The following TENM3 variants were observed in gnomAD, a reference collection of about 807,000 sequenced individuals.
The protein encoded by TENM3 is teneurin transmembrane protein 3, also known as teneurin-3.
TENM3 carries 63 observed loss-of-function variants against 255.1 expected under a neutral mutation model. The observed-to-expected ratio is 0.25, with a 90% confidence interval of 0.20 to 0.30. TENM3 has a LOEUF of 0.30. Among genes scored for constraint, TENM3 ranks in the 10% least tolerant of loss-of-function variants. The probability of loss-of-function intolerance (pLI) is 1.00; values close to 1 mark genes in which losing one functional copy is unlikely to be tolerated. For missense variants in TENM3, 2,929 were observed against 3,461.1 expected, an observed-to-expected ratio of 0.85 and a Z score of 3.86; for synonymous variants, 1,306 against 1,322.3, an observed-to-expected ratio of 0.99 and a Z score of 0.27.
the TENM3 span, among the ~76,000 whole-genome samples, chr4:181,850,417 T>G: frequency 6.6e-6 from 1 of 152,172 alleles, no homozygotes; most frequent in African/African-American, 2.4e-5. Flanking sequence ...TATTTGCTTC[T>G]TTCATATGAC....
In TENM3 at chr4:182,792,435, C is replaced by A. The variant is rs764221618; in HGVS notation, c.5763C>A (p.Asn1921Lys). Residue 1921 changes from asparagine (N) to lysine (K), a missense_variant, in exon 26 of 28, where the codon AAC becomes AAA. Physicochemically the swap from Asn to Lys is moderately conservative, Grantham distance 94. Transcript: ENST00000511685. This position sits in a 1 kb window ranked among gnomAD's most constrained non-coding sequence, Gnocchi z 6.3. Reference sequence around the variant, plus strand: ...ACATATACAACCCCCCGGAAAGCAACGCCTCCATCATCACGGACTACAACG... The same window carrying A: ...ACATATACAACCCCCCGGAAAGCAAAGCCTCCATCATCACGGACTACAACG... ...YRNIYNPPES[N>K]ASIITDYNEE... The A allele has an allele frequency of 6.2e-7, 1 of 1,614,032 alleles. No homozygotes were observed. The highest frequency in any genetic ancestry group is 1.7e-5 in the Admixed American group (1 of 60,022).
At chr4:182,428,702 G>A (rs561277889) in intron 3 of TENM3, among the ~76,000 whole-genome samples, 1 of 151,748 alleles carries the variant, frequency 6.6e-6, no homozygotes, top group Admixed American at 6.6e-5. Flanking sequence ...GTATATATTA[G>A]AATAATAAAA....
intron 13 of TENM3, 93 bp from the exon 14 acceptor site, chr4:182,728,871 GT>G (rs1760445522): frequency 1.2e-6 from 1 of 834,576 alleles, no homozygotes; most frequent in Non-Finnish European, 1.7e-6. Flanking sequence ...ATCACTTGAT[GT>G]GAAAAAAAAA....
chr4:181,870,212 A>C, the TENM3 span, among the ~76,000 whole-genome samples: 3,311 of 152,262 alleles, frequency 0.022, 60 homozygotes, highest in Non-Finnish European at 0.034. Flanking sequence ...ATATGCCACA[A>C]ATTTTTAATC....
the TENM3 span, among the ~76,000 whole-genome samples, chr4:182,061,268 T>G: frequency 5.3e-5 from 8 of 152,224 alleles, no homozygotes; most frequent in South Asian, 1.5e-3. Flanking sequence ...ATGACCTACA[T>G]AAGGTAGTCA....
chr4:182,237,200 C>T (rs74703297), intron 1 of TENM3, among the ~76,000 whole-genome samples: 10,326 of 152,096 alleles, frequency 0.068, 433 homozygotes, highest in African/African-American at 0.12. Context: ...TTTATGGGTG[C>T]GTAGTATTCC....
the TENM3 span, among the ~76,000 whole-genome samples, chr4:181,968,589 C>T: frequency 1.4e-4 from 22 of 151,882 alleles, no homozygotes; most frequent in South Asian, 4.2e-4. Flanking sequence ...GAATGCTAAC[C>T]GCAGAGAATA....
chr4:181,683,254 CA>C, the TENM3 span, among the ~76,000 whole-genome samples: 3 of 151,934 alleles, frequency 2.0e-5, no homozygotes, highest in African/African-American at 7.3e-5. Context: ...CCGACATTTA[CA>C]GATAAGAATA....
chr4:182,191,473 T>A lies in TENM3; in HGVS notation c.-76+46719T>A, dbSNP rs147211447. Among the ~76,000 whole-genome samples the A allele has an allele frequency of 2.3e-3, 354 of 152,252 alleles. 4 individuals are homozygous for A. The highest frequency in any genetic ancestry group is 2.3e-3 in the Non-Finnish European group (158 of 68,008). Reference sequence around the variant, plus strand: ...CGCCTCCCTTAGAGTGTCAGGCAGATCATCCGTCCCATTGCTAATTCTTCT... The same window carrying A: ...CGCCTCCCTTAGAGTGTCAGGCAGAACATCCGTCCCATTGCTAATTCTTCT... On this transcript the variant is annotated intron_variant, in intron 1 of 2. Transcript: ENST00000512480.
intron 3 of TENM3, among the ~76,000 whole-genome samples, chr4:182,485,487 A>G (rs950555072): frequency 7.9e-5 from 12 of 152,296 alleles, no homozygotes; most frequent in Middle Eastern, 3.4e-3. Flanking sequence ...TAACCAAGTA[A>G]CTATAAATAC....
In TENM3 at chr4:182,673,003, A is replaced by T. The variant is rs980147486; in HGVS notation, c.1112-2A>T. ...CTTCATCAGTGCATCTCTTACATTC[A>T]GGAAAATTAGGTGGATTTACGCAAG... is the stretch of plus-strand genomic sequence containing the variant. On this transcript the variant is annotated splice_acceptor_variant, in intron 6 of 27. Transcript: ENST00000511685. LOFTEE classifies it high-confidence loss of function. 2.6e-6 allele frequency: 4 copies of T among 1,567,672 alleles called. No homozygotes were observed. Among genetic ancestry groups the T allele is most frequent in the Non-Finnish European group, 3.5e-6 (4 of 1,152,198 alleles).
At chr4:181,972,755 C>T in the TENM3 span, among the ~76,000 whole-genome samples, 3 of 152,182 alleles carry the variant, frequency 2.0e-5, no homozygotes, top group Non-Finnish European at 2.9e-5. Context: ...GATTGAATTT[C>T]CAGATCCCAG....
upstream of TENM3, among the ~76,000 whole-genome samples, chr4:182,239,102 C>T (rs1370392135): frequency 1.1e-4 from 16 of 143,462 alleles, no homozygotes; most frequent in African/African-American, 3.1e-4. Flanking sequence ...TTTGAGACGG[C>T]GTCTCGCTGT....
intron 6 of TENM3, among the ~76,000 whole-genome samples, chr4:182,656,167 A>G (rs1016714456): frequency 2.2e-4 from 33 of 152,282 alleles, no homozygotes; most frequent in African/African-American, 7.7e-4. Flanking sequence ...TCTCCTATAT[A>G]GGGAATGGTT....
intron 3 of TENM3, among the ~76,000 whole-genome samples, chr4:182,443,582 C>A (rs1772671087): frequency 6.6e-6 from 1 of 152,174 alleles, no homozygotes; most frequent in Non-Finnish European, 1.5e-5. Flanking sequence ...CTCCTGCTCT[C>A]ACCACCAGGT....
the TENM3 span, among the ~76,000 whole-genome samples, chr4:181,642,309 G>A: frequency 2.7e-4 from 41 of 152,070 alleles, no homozygotes; most frequent in African/African-American, 9.6e-4. Context: ...CCCACTTTTT[G>A]ATGGGGTGGT....
At chr4:181,952,632 A>G in the TENM3 span, among the ~76,000 whole-genome samples, 5 of 152,228 alleles carry the variant, frequency 3.3e-5, no homozygotes, top group Non-Finnish European at 7.3e-5. Flanking sequence ...ACTCAGACAG[A>G]CTTTAGTCTG....
intron 3 of TENM3, among the ~76,000 whole-genome samples, chr4:182,404,739 A>G (rs750446583): frequency 2.6e-5 from 4 of 152,218 alleles, no homozygotes; most frequent in Non-Finnish European, 5.9e-5. Flanking sequence ...GCATTCACTT[A>G]TGTTGTGTTC....
At chr4:182,507,986 C>T (rs544261106) in intron 3 of TENM3, among the ~76,000 whole-genome samples, 3 of 152,118 alleles carry the variant, frequency 2.0e-5, no homozygotes, top group Non-Finnish European at 4.4e-5. Flanking sequence ...TGCTGTCCCC[C>T]GAGTGGTTCA....
Sources: gnomAD v4.1 joint callset for allele counts (sites outside exome capture counted in the v4.1 genomes callset) on GRCh38, gnomAD v4.1.1 for gene constraint, Gnocchi (gnomAD v3.1) non-coding constraint, MANE v1.5 for transcripts, NCBI Gene and HGNC (gene_info 2026-07-23, HGNC 2026-07-21) for gene names.